ERO1B: variants seen among roughly 807,000 people sequenced by gnomAD.
The protein encoded by ERO1B is endoplasmic reticulum oxidoreductase 1 beta.
Under a neutral mutation model 75.3 loss-of-function variants are expected in ERO1B, and 49 were observed. That is an observed-to-expected ratio of 0.65 (90% CI 0.52 to 0.83). The LOEUF is 0.83. ERO1B is among the 40% of genes least tolerant of loss of function. The probability of loss-of-function intolerance (pLI) is 0.00; values close to 1 mark genes in which losing one functional copy is unlikely to be tolerated. For missense variants in ERO1B, 512 were observed against 560.1 expected (o/e 0.91, Z 0.87); for synonymous variants, 191 against 192.9 (o/e 0.99, Z 0.08).
intron 6 of ERO1B, among the ~76,000 whole-genome samples, chr1:236,239,174 T>TA (rs1255201682): frequency 6.6e-6 from 1 of 152,174 alleles, no homozygotes; most frequent in East Asian, 1.9e-4. Flanking sequence ...CAATACTTTT[T>TA]AAAAAAATCT....
In ERO1B at chr1:236,223,225, G is replaced by A. The variant is rs7415649; in HGVS notation, c.1123-1215C>T. On this transcript the variant is annotated intron_variant, in intron 13 of 15. Coordinates refer to ENST00000354619, the MANE Select transcript of ERO1B (RefSeq NM_019891.4). ...CTCAAAAAAAAAAAAAAAAAAAAAA[G>A]AGAAGTTTCCTACACTGGGGAAATT... Among the ~76,000 whole-genome samples, 304 of 115,792 alleles carry A rather than the reference G, an allele frequency of 2.6e-3. 10 individuals are homozygous for A. In the East Asian group the frequency reaches 0.042, roughly 16 times the overall value. 76.0% of individuals were successfully genotyped at this position (115,792 alleles called of 152,430 possible). A position where few individuals can be genotyped will look rare whatever the true frequency, so the allele number is the denominator to read the frequency against.
At chr1:236,266,214 A>G (rs1665432038) in intron 2 of ERO1B, among the ~76,000 whole-genome samples, 2 of 152,406 alleles carry the variant, frequency 1.3e-5, no homozygotes, top group South Asian at 4.1e-4. Context: ...AAGAGAAGTT[A>G]GAAATACCAG....
rs2477599 is a variant in ERO1B, at chr1:236,249,930, T to A, written c.386A>T (p.Asp129Val). The part of the protein sequence containing the change: ...KMANNTKELE[D>V]CEQANKLGAI... ...TCCCAGTTTATTAGCTTGCTCACAA[T>A]CTTCTAATTCTTTGGTATTGTTTGC... Residue 129 changes from aspartate (D) to valine (V), a missense_variant, in exon 5 of 16, where the codon GAT becomes GTT. Asp to Val is a radical substitution (Grantham distance 152). Transcript: ENST00000354619. The A allele has an allele frequency of 0.54, 870,725 of 1,600,424 alleles. 249,754 individuals carry two copies. Among genetic ancestry groups the A allele is most frequent in the Non-Finnish European group, 0.59 (698,162 of 1,174,092 alleles).
chr1:236,261,516 A>G (rs1031402002), intron 2 of ERO1B, among the ~76,000 whole-genome samples: 1 of 152,148 alleles, frequency 6.6e-6, no homozygotes, highest in Non-Finnish European at 1.5e-5. Context: ...ACAATGAACA[A>G]TCCCCCCCAA....
rs1174014283 is a variant in ERO1B, at chr1:236,217,230, A to G, written c.*1286T>C. ...TCTAAGGAAAAACTCTAGATCTTGT[A>G]CCTGCATTACTTCTACACAGATGCA... On this transcript the variant is annotated 3_prime_UTR_variant, in exon 16 of 16. Coordinates refer to ENST00000354619, the MANE Select transcript of ERO1B (RefSeq NM_019891.4). 1 of 152,154 alleles carries G rather than the reference A, an allele frequency of 6.6e-6. No homozygotes were observed. The highest frequency in any genetic ancestry group is 1.5e-5 in the Non-Finnish European group (1 of 67,994). 9.4% of individuals were successfully genotyped at this position (152,154 alleles called of 1,614,324 possible). A position where few individuals can be genotyped will look rare whatever the true frequency, so the allele number is the denominator to read the frequency against.
At chr1:236,246,862 C>T (rs1251490860) in intron 5 of ERO1B, among the ~76,000 whole-genome samples, 4 of 151,942 alleles carry the variant, frequency 2.6e-5, no homozygotes, top group Non-Finnish European at 5.9e-5. Context: ...TTCTATTCCA[C>T]CATATGTGTA....
Position 236,269,899 on chromosome 1 carries a change from CTCTT to C in ERO1B, c.194_197del (p.Gln65ArgfsTer12). On this transcript the variant is annotated frameshift_variant, in exon 2 of 16. Transcript: ENST00000354619. LOFTEE classifies it high-confidence loss of function. ...CCTTGTAATAACGAAAATAGTCTCT[CTCTT>C]GCAATTTTTTTATTTTGGGGAAGAT... 6.3e-7 allele frequency: 1 copy of C among 1,595,102 alleles called. No individual in the cohort carries two copies. The highest frequency in any genetic ancestry group is 8.6e-7 in the Non-Finnish European group (1 of 1,162,988).
chr1:236,245,203 C>T (rs1664812553), intron 5 of ERO1B, among the ~76,000 whole-genome samples: 1 of 146,870 alleles, frequency 6.8e-6, no homozygotes, highest in Non-Finnish European at 1.5e-5. Flanking sequence ...CTATGTTGCC[C>T]AGGCTGGTCT....
chr1:236,227,193 T>TA (rs1664300701), intron 10 of ERO1B, among the ~76,000 whole-genome samples: 1 of 152,216 alleles, frequency 6.6e-6, no homozygotes, highest in South Asian at 2.1e-4. Flanking sequence ...TCTAATTTTT[T>TA]AACCATATGT....
chr1:236,230,200 A>G, intron 10 of ERO1B, 24 bp downstream of exon 10: 1 of 1,562,116 alleles, frequency 6.4e-7, no homozygotes, highest in Non-Finnish European at 8.7e-7. Context: ...AAAAAATCCA[A>G]TAAATTTAGA....
intron 8 of ERO1B, among the ~76,000 whole-genome samples, 187 bp downstream of exon 8, chr1:236,235,602 G>A (rs1353924331): frequency 2.0e-5 from 3 of 152,126 alleles, no homozygotes; most frequent in Admixed American, 6.5e-5. Flanking sequence ...TTCAATAAAT[G>A]ACAGTAATTA....
intron 1 of ERO1B, 93 bp downstream of exon 1, chr1:236,281,589 T>C (rs1283139080): frequency 1.0e-6 from 1 of 980,812 alleles, no homozygotes; most frequent in Non-Finnish European, 1.3e-6. Context: ...GGCCCGGCCC[T>C]GCCCGGCCCT....
chr1:236,225,084 C>T lies in ERO1B; in HGVS notation c.1108G>A (p.Ala370Thr), dbSNP rs767928440. The T allele has an allele frequency of 6.2e-7, 1 of 1,613,836 alleles. No homozygotes were observed. The highest frequency in any genetic ancestry group is 1.1e-5 in the South Asian group (1 of 91,084). ...KSMFAGDKKGAKSLKEEFRLH... is the reference protein window; with the variant it reads ...KSMFAGDKKGTKSLKEEFRLH... ...GAACTTTTTACCTTTAGTGACTTGG[C>T]CCCTTTTTTGTCACCTGCAAACATG... Residue 370 changes from alanine (A) to threonine (T), a missense_variant, in exon 13 of 16, where the codon GCC becomes ACC. Ala to Thr is a moderately conservative substitution (Grantham distance 58). Transcript: ENST00000354619.
In ERO1B at chr1:236,217,623, T is replaced by C. The variant is rs1406438405; in HGVS notation, c.*893A>G. On this transcript the variant is annotated 3_prime_UTR_variant, in exon 16 of 16. Transcript: ENST00000354619. ...TTTCAATTGGCATTATAAATTCATATAATCCCATTTAAATTTTATCAAGAA... is the reference window on the plus strand; with the variant it reads ...TTTCAATTGGCATTATAAATTCATACAATCCCATTTAAATTTTATCAAGAA... The C allele has an allele frequency of 6.6e-6, 1 of 152,630 alleles. No homozygotes were observed. Among genetic ancestry groups the C allele is most frequent in the Admixed American group, 6.5e-5 (1 of 15,274 alleles). 9.5% of individuals were successfully genotyped at this position (152,630 alleles called of 1,614,324 possible).
At chr1:236,228,862 A>C (rs1332185942) in intron 10 of ERO1B, among the ~76,000 whole-genome samples, 1 of 152,214 alleles carries the variant, frequency 6.6e-6, no homozygotes, top group Non-Finnish European at 1.5e-5. Flanking sequence ...CAGATACTCA[A>C]AACAGTAAGA....
At chr1:236,229,986 T>C (rs1664361946) in intron 10 of ERO1B, among the ~76,000 whole-genome samples, 1 of 152,214 alleles carries the variant, frequency 6.6e-6, no homozygotes, top group Non-Finnish European at 1.5e-5. Context: ...GAACCAGTTA[T>C]GAAAACCTGA....
chr1:236,236,414 T>A lies in ERO1B; in HGVS notation c.506-16A>T. On this transcript the variant is annotated splice_polypyrimidine_tract_variant and intron_variant, in intron 6 of 15. Coordinates refer to ENST00000354619, the MANE Select transcript of ERO1B (RefSeq NM_019891.4). ...GATCTCTCATCTGAACAAGAAAAAATTCATAAAAACCATCCATATTTCACC... is the reference window on the plus strand; with the variant it reads ...GATCTCTCATCTGAACAAGAAAAAAATCATAAAAACCATCCATATTTCACC... 1 of 1,612,372 alleles carries A rather than the reference T, an allele frequency of 6.2e-7. No homozygotes were observed. Among genetic ancestry groups the A allele is most frequent in the Non-Finnish European group, 8.5e-7 (1 of 1,179,520 alleles).
At chr1:236,238,169 A>C (rs1477290176) in intron 6 of ERO1B, among the ~76,000 whole-genome samples, 1 of 152,158 alleles carries the variant, frequency 6.6e-6, no homozygotes, top group Non-Finnish European at 1.5e-5. Context: ...TAACTTAGAC[A>C]ATGGAAACAT....
At chr1:236,221,175 C>T (rs1212081985) in intron 14 of ERO1B, among the ~76,000 whole-genome samples, 1 of 152,130 alleles carries the variant, frequency 6.6e-6, no homozygotes, top group African/African-American at 2.4e-5. Context: ...ATAGTCTTAA[C>T]ACTTATTGAA....
Sources: gnomAD v4.1 joint callset for allele counts (sites outside exome capture counted in the v4.1 genomes callset) on GRCh38, gnomAD v4.1.1 for gene constraint, MANE v1.5 for transcripts, NCBI Gene and HGNC (gene_info 2026-07-23, HGNC 2026-07-21) for gene names.